D2HGDH: variants seen among roughly 807,000 people sequenced by gnomAD.
D2HGDH encodes D-2-hydroxyglutarate dehydrogenase.
A neutral mutation model predicts 46.9 loss-of-function variants in D2HGDH; 31 were observed. That is an observed-to-expected ratio of 0.66 (90% confidence interval 0.50 to 0.89). The LOEUF (loss-of-function observed/expected upper bound fraction) is 0.89, where lower values mean the gene tolerates loss of function less well. Ranked by LOEUF, D2HGDH falls within the 40% of genes least tolerant of loss-of-function variation. The pLI is 0.00. For missense variants in D2HGDH, 698 were observed against 720.8 expected, an observed-to-expected ratio of 0.97 and a Z score of 0.36; for synonymous variants, 364 against 332.6, an observed-to-expected ratio of 1.09 and a Z score of -1.03.
At chr2:241,734,889 C>A (rs562601654) in intron 1 of D2HGDH, 194 bp downstream of exon 1, 143 of 279,810 alleles carry the variant, frequency 5.1e-4, no homozygotes, top group African/African-American at 3.1e-3. Flanking sequence ...CCTCGGGGGG[C>A]GAGCTCGGAG....
intron 7 of D2HGDH, among the ~76,000 whole-genome samples, chr2:241,750,756 G>A (rs1328185424): frequency 1.3e-5 from 2 of 152,054 alleles, no homozygotes; most frequent in Admixed American, 6.6e-5. Flanking sequence ...GCTCACTGCA[G>A]CCTCCACCTC....
rs768906916 is a variant in D2HGDH at position 241,736,670 on chromosome 2, C to CTTT, written c.292+1154_292+1155insTTT. 2.2e-4 allele frequency among the ~76,000 whole-genome samples: 32 copies of CTTT among 147,394 alleles called. 3 individuals carry two copies. The highest frequency in any genetic ancestry group is 1.5e-4 in the Non-Finnish European group (10 of 67,016). On this transcript the variant is annotated intron_variant, in intron 2 of 9. Transcript: ENST00000321264. The stretch of plus-strand genomic sequence containing the variant: ...ATTACATCTGCAAAGACCGTTTATC[C>CTTT]GTTTTTTTTTTTTTTGGAGATGAAG...
At chr2:241,740,983 C>T (rs889361839) in intron 2 of D2HGDH, 50 bp from the exon 3 acceptor site, 1 of 1,505,708 alleles carries the variant, frequency 6.6e-7, no homozygotes, top group Non-Finnish European at 9.2e-7. Flanking sequence ...CCACTTGCCT[C>T]ATCTGCAGCT....
chr2:241,738,722 G>A (rs1437756389), intron 2 of D2HGDH, among the ~76,000 whole-genome samples: 1 of 152,192 alleles, frequency 6.6e-6, no homozygotes, highest in African/African-American at 2.4e-5. Flanking sequence ...CTGCAGGGCC[G>A]CCCCTCGGTG....
intron 1 of D2HGDH, 154 bp from the exon 2 acceptor site, chr2:241,734,979 T>C (rs1000839031): frequency 2.0e-5 from 10 of 510,120 alleles, no homozygotes; most frequent in Admixed American, 4.1e-5. Flanking sequence ...GCGTGGGGCT[T>C]CGCGCGCTCG....
At chr2:241,753,161 C>T (rs567174899) in intron 8 of D2HGDH, among the ~76,000 whole-genome samples, 90 of 152,360 alleles carry the variant, frequency 5.9e-4, no homozygotes, top group Non-Finnish European at 1.2e-3. Flanking sequence ...TCACCTCGTT[C>T]TGGCTCATGC....
chr2:241,751,200 G>A (rs1213323537), intron 7 of D2HGDH, 46 bp from the exon 8 acceptor site: 19 of 1,613,222 alleles, frequency 1.2e-5, no homozygotes, highest in Non-Finnish European at 1.5e-5. Context: ...TTCTTGCCCT[G>A]GCAGCCGGAG....
chr2:241,749,662 C>T (rs1484711411), intron 6 of D2HGDH: 1 of 324,032 alleles, frequency 3.1e-6, no homozygotes, highest in Non-Finnish European at 6.0e-6. Flanking sequence ...TTGCAGAATT[C>T]CCAAGATACG....
chr2:241,757,292 C>T (rs532610377), intron 9 of D2HGDH, among the ~76,000 whole-genome samples: 1 of 152,162 alleles, frequency 6.6e-6, no homozygotes, highest in East Asian at 1.9e-4. Flanking sequence ...TGGTAATCTT[C>T]TGTGATAGGA....
intron 9 of D2HGDH, among the ~76,000 whole-genome samples, chr2:241,762,153 C>G (rs150935631): frequency 6.8e-6 from 1 of 146,990 alleles, no homozygotes; most frequent in African/African-American, 2.5e-5. Context: ...CTCACTGCAA[C>G]GTCCGCCTCC....
intron 2 of D2HGDH, among the ~76,000 whole-genome samples, chr2:241,740,001 C>T (rs962072027): frequency 7.2e-5 from 11 of 152,102 alleles, no homozygotes; most frequent in African/African-American, 9.7e-5. Context: ...CAAAATTAGC[C>T]GGGCATGGTG....
At chr2:241,755,110 C>T in intron 8 of D2HGDH, 1 of 1,304,104 alleles carries the variant, frequency 7.7e-7, no homozygotes, top group Non-Finnish European at 1.0e-6. Flanking sequence ...TGTCTGAGCC[C>T]TAGGATTTGG....
chr2:241,747,208 T>G (rs1168034939), intron 6 of D2HGDH, among the ~76,000 whole-genome samples: 1 of 152,132 alleles, frequency 6.6e-6, no homozygotes, highest in Non-Finnish European at 1.5e-5. Context: ...GGTGTGAGCC[T>G]GAGCCGCTGC....
intron 9 of D2HGDH, among the ~76,000 whole-genome samples, chr2:241,763,835 G>A (rs1316818939): frequency 6.6e-6 from 1 of 152,142 alleles, no homozygotes; most frequent in Non-Finnish European, 1.5e-5. Flanking sequence ...TTCAAGACCA[G>A]CCTGGGCAAC....
At chr2:241,746,887 C>CAAA (rs148116391) in intron 6 of D2HGDH, among the ~76,000 whole-genome samples, 249 of 68,668 alleles carry the variant, frequency 3.6e-3, no homozygotes, top group Middle Eastern at 0.021. Context: ...GACTCCATCT[C>CAAA]AAAAAAAAAA....
chr2:241,762,346 A>C (rs1393538223), intron 9 of D2HGDH, among the ~76,000 whole-genome samples: 1 of 152,196 alleles, frequency 6.6e-6, no homozygotes, highest in African/African-American at 2.4e-5. Flanking sequence ...CTGAGATTGC[A>C]GGTGTGAGCC....
At chr2:241,749,841 A>T in intron 6 of D2HGDH, 1 of 418,202 alleles carries the variant, frequency 2.4e-6, no homozygotes, top group Non-Finnish European at 4.5e-6. Context: ...TGGTGGTGAC[A>T]CCAGGCGTGC....
intron 9 of D2HGDH, among the ~76,000 whole-genome samples, chr2:241,763,461 G>A (rs553237234): frequency 1.1e-4 from 17 of 152,160 alleles, no homozygotes; most frequent in Non-Finnish European, 1.5e-4. Context: ...ATCACGAGTG[G>A]GTCTCGCGGG....
chr2:241,747,222 C>T (rs1325417383), intron 6 of D2HGDH, among the ~76,000 whole-genome samples: 2 of 152,190 alleles, frequency 1.3e-5, no homozygotes, highest in Admixed American at 1.3e-4. Context: ...CCGCTGCACC[C>T]AGCCTGTGTG....
Sources: gnomAD v4.1 joint callset for allele counts (sites outside exome capture counted in the v4.1 genomes callset) on GRCh38, gnomAD v4.1.1 for gene constraint, MANE v1.5 for transcripts, NCBI Gene and HGNC (gene_info 2026-07-23, HGNC 2026-07-21) for gene names.